ZNF507: variants seen among roughly 807,000 people sequenced by gnomAD.
The protein encoded by ZNF507 is zinc finger protein 507.
ZNF507 carries 29 observed loss-of-function variants against 80.0 expected under a neutral mutation model. The observed-to-expected ratio is 0.36, with a 90% CI of 0.27 to 0.49. The LOEUF (loss-of-function observed/expected upper bound fraction) is 0.49. ZNF507 is among the 20% of genes least tolerant of loss of function. The pLI is 0.98. For synonymous variants in ZNF507, 462 were observed against 422.5 expected (o/e 1.09, Z -1.15); for missense variants, 1,081 against 1,152.2 (o/e 0.94, Z 0.90).
At chr19:32,348,366 T>C (rs1318564936) in intron 2 of ZNF507, among the ~76,000 whole-genome samples, 1 of 152,204 alleles carries the variant, frequency 6.6e-6, no homozygotes, top group African/African-American at 2.4e-5. Flanking sequence ...GGTTCTTTTG[T>C]ATCATATTGT....
At chr19:32,375,438 T>G (rs1055539137) in intron 5 of ZNF507, among the ~76,000 whole-genome samples, 1 of 152,198 alleles carries the variant, frequency 6.6e-6, no homozygotes, top group Admixed American at 6.5e-5. Flanking sequence ...CAGAAAGTCC[T>G]CAGTGTAGTC....
chr19:32,378,737 A>G (rs10500257), intron 5 of ZNF507, among the ~76,000 whole-genome samples: 32,972 of 151,874 alleles, frequency 0.22, 4,197 homozygotes, highest in East Asian at 0.45. Flanking sequence ...CTATAGGATC[A>G]ATTTGAGATT....
chr19:32,375,885 C>T (rs1335915171), intron 5 of ZNF507, among the ~76,000 whole-genome samples: 1 of 152,172 alleles, frequency 6.6e-6, no homozygotes, highest in Admixed American at 6.5e-5. Context: ...TAATACTGAA[C>T]TGTCTGTATT....
In ZNF507 at chr19:32,360,768, T is replaced by C. The variant is rs145031509; in HGVS notation, c.2360+150T>C. ...ATTGGTTTTATATTTTGTTGTTTTA[T>C]ATATTTACTTATTTATTTTTTGAGT... On this transcript the variant is annotated intron_variant, in intron 5 of 6. Coordinates refer to ENST00000355898, the MANE Select transcript of ZNF507 (RefSeq NM_001136156.2). The C allele has an allele frequency of 7.0e-4, 307 of 439,464 alleles. 3 individuals carry two copies. The East Asian group carries it at 0.011, about 16-fold the overall frequency. 27.2% of individuals were successfully genotyped at this position (439,464 alleles called of 1,614,324 possible).
chr19:32,350,001 A>G (rs1236517105), intron 2 of ZNF507, among the ~76,000 whole-genome samples: 2 of 152,344 alleles, frequency 1.3e-5, no homozygotes, highest in African/African-American at 2.4e-5. Context: ...TTATGTTGTC[A>G]TCACTATTGA....
At position 32,383,274 on chromosome 19, in the gene ZNF507, A is replaced by T. The variant is rs1967647765; in HGVS notation, c.*191A>T. 2 of 709,942 alleles carry T rather than the reference A, an allele frequency of 2.8e-6. No homozygotes were observed. The highest frequency in any genetic ancestry group is 3.6e-5 in the African/African-American group (2 of 55,744). 44.0% of individuals were successfully genotyped at this position (709,942 alleles called of 1,614,324 possible). ...AAATGGACAAGCAGTAATGATATTT[A>T]AATATTTTGAGTGAGGGGGAGTGGG... On this transcript the variant is annotated 3_prime_UTR_variant, in exon 7 of 7. Coordinates refer to ENST00000355898, the MANE Select transcript of ZNF507 (RefSeq NM_001136156.2).
chr19:32,371,479 C>CAAA (rs558295166), intron 5 of ZNF507, among the ~76,000 whole-genome samples: 4 of 112,320 alleles, frequency 3.6e-5, no homozygotes, highest in African/African-American at 1.0e-4. Flanking sequence ...ACTCCCATCT[C>CAAA]AAAAAAAAAA....
chr19:32,356,517 G>A, intron 3 of ZNF507, 99 bp from the exon 4 acceptor site: 1 of 761,436 alleles, frequency 1.3e-6, no homozygotes. Context: ...GTAATTCGTT[G>A]TACTAGGCCA....
chr19:32,382,670 T>G (rs1472926435), intron 6 of ZNF507, 47 bp from the exon 7 acceptor site: 2 of 1,611,280 alleles, frequency 1.2e-6, no homozygotes, highest in Non-Finnish European at 1.7e-6. Flanking sequence ...CTACTAGTCC[T>G]ACATTGTAGC....
At chr19:32,382,418 C>T (rs1481357091) in intron 5 of ZNF507, 49 bp from the exon 6 acceptor site, 2 of 1,590,162 alleles carry the variant, frequency 1.3e-6, no homozygotes, top group Non-Finnish European at 1.7e-6. Context: ...TAATTTTTCA[C>T]TGATGTTATG....
chr19:32,372,444 A>T (rs1458326826), intron 5 of ZNF507, among the ~76,000 whole-genome samples: 3 of 152,182 alleles, frequency 2.0e-5, no homozygotes, highest in Non-Finnish European at 4.4e-5. Flanking sequence ...CTCTGATAGC[A>T]TGGCAAACCA....
chr19:32,378,998 G>A (rs1467363151), intron 5 of ZNF507, among the ~76,000 whole-genome samples: 3 of 152,228 alleles, frequency 2.0e-5, no homozygotes, highest in Non-Finnish European at 4.4e-5. Flanking sequence ...GGCACTAGGC[G>A]GAAGGGAGTG....
chr19:32,350,805 T>C (rs756625792), intron 2 of ZNF507, among the ~76,000 whole-genome samples: 1 of 152,210 alleles, frequency 6.6e-6, no homozygotes, highest in South Asian at 2.1e-4. Context: ...ATTAAACTTA[T>C]TATTTAATCA....
At position 32,360,501 on chromosome 19, in the gene ZNF507, T is replaced by C; in HGVS notation, c.2246-3T>C. 6.5e-7 allele frequency: 1 copy of C among 1,532,596 alleles called. No individual in the cohort carries two copies. Among genetic ancestry groups the C allele is most frequent in the Non-Finnish European group, 8.8e-7 (1 of 1,134,162 alleles). The allele number at this position is 1,532,596 out of a possible 1,614,324, so 94.9% of individuals were successfully genotyped here. Reference sequence around the variant, plus strand: ...TACTAAAACTCTGAAATACCTTGTCTAGGGAATAAGTCTTCAGTCCAGAAA... The same window carrying C: ...TACTAAAACTCTGAAATACCTTGTCCAGGGAATAAGTCTTCAGTCCAGAAA... On this transcript the variant is annotated splice_region_variant and splice_polypyrimidine_tract_variant and intron_variant, in intron 4 of 6. Transcript: ENST00000355898.
chr19:32,379,084 T>C (rs1378035311), intron 5 of ZNF507, among the ~76,000 whole-genome samples: 1 of 152,144 alleles, frequency 6.6e-6, no homozygotes, highest in Non-Finnish European at 1.5e-5. Context: ...AAGCAACTGA[T>C]CCAGAGACAT....
chr19:32,356,372 A>G (rs551469019), intron 3 of ZNF507, among the ~76,000 whole-genome samples: 1 of 152,320 alleles, frequency 6.6e-6, no homozygotes, highest in Non-Finnish European at 1.5e-5. Context: ...ATCACCTAAG[A>G]AAATGGTGAC....
rs1967207863 is a variant in ZNF507 at position 32,353,849 on chromosome 19, A to G, written c.1019A>G (p.Gln340Arg). ...TTATCATCTTCATCTCCTTTAGAACAGAGTGCAGAAAGAGGAGTACACCTA... is the reference window on the plus strand; with the variant it reads ...TTATCATCTTCATCTCCTTTAGAACGGAGTGCAGAAAGAGGAGTACACCTA... The part of the protein sequence containing the change: ...EQLSSSSPLE[Q>R]SAERGVHLSQ... Residue 340 changes from glutamine to arginine, a missense_variant, in exon 3 of 7, where the codon CAG (glutamine) becomes CGG (arginine). Around this residue, in one of 6 missense-constraint regions of ZNF507, gnomAD observed 614 missense variants for 583.9 expected, o/e 1.05. Transcript: ENST00000355898. 1 of 1,614,216 alleles carries G rather than the reference A, an allele frequency of 6.2e-7. No homozygotes were observed. Among genetic ancestry groups the G allele is most frequent in the South Asian group, 1.1e-5 (1 of 91,090 alleles).
chr19:32,379,408 A>G (rs968525896), intron 5 of ZNF507, among the ~76,000 whole-genome samples: 2 of 152,236 alleles, frequency 1.3e-5, no homozygotes, highest in South Asian at 2.1e-4. Flanking sequence ...GTAAAAGCTT[A>G]AAGAGAATAG....
chr19:32,369,282 G>C (rs1967438592), intron 5 of ZNF507, among the ~76,000 whole-genome samples: 1 of 152,202 alleles, frequency 6.6e-6, no homozygotes, highest in Non-Finnish European at 1.5e-5. Flanking sequence ...GCCACTCTAG[G>C]AGTCCAGCAA....
Sources: allele counts gnomAD v4.1 joint callset (sites outside exome capture counted in the v4.1 genomes callset), GRCh38; gene constraint gnomAD v4.1.1; regional missense constraint gnomAD v4.1.1; transcripts MANE v1.5; gene names NCBI Gene and HGNC (gene_info 2026-07-23, HGNC 2026-07-21).